The following HP variants were observed in gnomAD, a reference collection of about 807,000 sequenced individuals.
HP encodes the protein haptoglobin.
A neutral mutation model predicts 23.2 loss-of-function variants in HP; 9 were observed. The observed-to-expected ratio is 0.39, with a 90% CI of 0.23 to 0.68. HP has a LOEUF of 0.68. HP is among the 30% of genes least tolerant of loss of function. The pLI is 0.47. For synonymous variants in HP, 155 were observed against 183.3 expected, an observed-to-expected ratio of 0.85 and a Z score of 1.25; for missense variants, 433 against 483.6, an observed-to-expected ratio of 0.90 and a Z score of 0.98.
chr16:72,056,260 G>A lies in HP; in HGVS notation c.88+17G>A, dbSNP rs776640374. On this transcript the variant is annotated intron_variant, in intron 2 of 6. Coordinates refer to ENST00000355906, the MANE Select transcript of HP (RefSeq NM_005143.5). ...ATATCGCAGGTCAGTCTTTGGTTGG[G>A]TAGGAGTGTGCATCCCACTCTGACC... The A allele has an allele frequency of 6.2e-7, 1 of 1,611,526 alleles. No homozygotes were observed. Among genetic ancestry groups the A allele is most frequent in the South Asian group, 1.1e-5 (1 of 91,022 alleles).
At chr16:72,059,314 C>T in intron 6 of HP, 126 bp downstream of exon 6, 2 of 1,334,170 alleles carry the variant, frequency 1.5e-6, no homozygotes, top group Non-Finnish European at 2.1e-6. Context: ...AGAACCGCAG[C>T]TGGCCAGGGA....
chr16:72,056,140 C>T, intron 1 of HP, 21 bp from the exon 2 acceptor site: 1 of 1,610,860 alleles, frequency 6.2e-7, no homozygotes, highest in Non-Finnish European at 8.5e-7. Context: ...CTTTCCACTC[C>T]TCCTTGTCTT....
At chr16:72,054,990 T>C in intron 1 of HP, 2 of 512,504 alleles carry the variant, frequency 3.9e-6, no homozygotes, top group Non-Finnish European at 7.0e-6. Context: ...TTTAAAAATG[T>C]ACAATAAGGA....
In HP at chr16:72,058,271, C is replaced by T. The variant is rs1391498189; in HGVS notation, c.283C>T (p.Pro95Ser). Residue 95 changes from proline (P) to serine (S), a missense_variant, in exon 5 of 7, where the codon CCC becomes TCC. By Grantham distance (74) the Pro-to-Ser change is moderately conservative (BLOSUM62 -1). Coordinates refer to ENST00000355906, the MANE Select transcript of HP (RefSeq NM_005143.5). ...ECEADDGCPK[P>S]PEIAHGYVEH... Reference sequence around the variant, plus strand: ...CTTTGCAGATGACGGCTGCCCGAAGCCCCCCGAGATTGCACATGGCTATGT... The same window carrying T: ...CTTTGCAGATGACGGCTGCCCGAAGTCCCCCGAGATTGCACATGGCTATGT... The T allele has an allele frequency of 9.5e-6, 9 of 950,502 alleles. 1 individual carries two copies. Among genetic ancestry groups the T allele is most frequent in the East Asian group, 5.9e-5 (2 of 33,728 alleles). 58.9% of individuals were successfully genotyped at this position (950,502 alleles called of 1,614,324 possible).
At chr16:72,058,781 G>C (rs2041493417) in intron 5 of HP, 1 of 342,554 alleles carries the variant, frequency 2.9e-6, no homozygotes. Flanking sequence ...TTGCTGATAA[G>C]GAAACTGAGG....
rs1063465 is a variant in HP, at chr16:72,060,476, A to G, written c.807A>G (p.Ser269=). The G allele has an allele frequency of 6.2e-7, 1 of 1,614,052 alleles. No homozygotes were observed. The highest frequency in any genetic ancestry group is 1.3e-5 in the African/African-American group (1 of 74,916). Residue 269 remains serine, a synonymous_variant, in exon 7 of 7, where the codon TCA becomes TCG. Coordinates refer to ENST00000355906, the MANE Select transcript of HP (RefSeq NM_005143.5). The stretch of plus-strand genomic sequence containing the variant: ...GAGTGATGCCCATCTGCCTACCTTC[A>G]AAGGATTATGCAGAAGTAGGGCGTG... ...NERVMPICLP[S]KDYAEVGRVG...
chr16:72,054,756 G>A lies in HP; in HGVS notation c.5+99G>A, dbSNP rs2041432182. On this transcript the variant is annotated intron_variant, in intron 1 of 6. Coordinates refer to ENST00000355906, the MANE Select transcript of HP (RefSeq NM_005143.5). Reference sequence around the variant, plus strand: ...ATGCAGAAATAGAACAAAGAAACGGGCAAATGGGCTAAATTATAGTGAACC... The same window carrying A: ...ATGCAGAAATAGAACAAAGAAACGGACAAATGGGCTAAATTATAGTGAACC... 6 of 1,592,164 alleles carry A rather than the reference G, an allele frequency of 3.8e-6. No individual in the cohort carries two copies. The South Asian group carries it at 6.8e-5, about 18-fold the overall frequency.
chr16:72,059,851 C>T (rs1209756330), intron 6 of HP: 55 of 740,380 alleles, frequency 7.4e-5, no homozygotes, highest in Non-Finnish European at 1.1e-4. Context: ...AGTTCACCAG[C>T]CAGGGCTCAA....
Position 72,057,268 on chromosome 16 carries a change from T to G in HP, c.191-124T>G. The stretch of plus-strand genomic sequence containing the variant: ...CCTCCTTCTCATATTCTCTCTCCTT[T>G]CTCCCTTCCTGTCTGCCTCCTTTCT... On this transcript the variant is annotated intron_variant, in intron 3 of 6. Coordinates refer to ENST00000355906, the MANE Select transcript of HP (RefSeq NM_005143.5). 6.1e-6 allele frequency: 6 copies of G among 990,956 alleles called. 2 individuals carry two copies. In the East Asian group the frequency reaches 1.7e-4, roughly 29 times the overall value. The allele number at this position is 990,956 out of a possible 1,614,324, so 61.4% of individuals were successfully genotyped here.
At chr16:72,057,031 G>A in intron 3 of HP, 1 of 341,344 alleles carries the variant, frequency 2.9e-6, no homozygotes, top group South Asian at 2.3e-5. Context: ...TCTGAACAGA[G>A]TTTATTGTTT....
Position 72,060,510 on chromosome 16 carries a change from GT to G in HP, c.844del (p.Ser282LeufsTer15). 8 of 1,614,186 alleles carry G rather than the reference GT, an allele frequency of 5.0e-6. No homozygotes were observed. The highest frequency in any genetic ancestry group is 6.8e-6 in the Non-Finnish European group (8 of 1,180,042). ...DYAEVGRVGY[V>X]SGWGRNANFK... ...TGCAGAAGTAGGGCGTGTGGGTTATGTTTCTGGCTGGGGGCGAAATGCCAAT... is the reference window on the plus strand; with the variant it reads ...TGCAGAAGTAGGGCGTGTGGGTTATGTTCTGGCTGGGGGCGAAATGCCAAT... On this transcript the variant is annotated frameshift_variant, in exon 7 of 7. Transcript: ENST00000355906. LOFTEE classifies it high-confidence loss of function.
In HP at chr16:72,060,471, C is replaced by T. The variant is rs775494436; in HGVS notation, c.802C>T (p.Pro268Ser). 2 of 1,614,052 alleles carry T rather than the reference C, an allele frequency of 1.2e-6. No homozygotes were observed. Among genetic ancestry groups the T allele is most frequent in the Non-Finnish European group, 1.7e-6 (2 of 1,180,050 alleles). ...TGAGAGAGTGATGCCCATCTGCCTA[C>T]CTTCAAAGGATTATGCAGAAGTAGG... ...VNERVMPICL[P>S]SKDYAEVGRV... The change falls in exon 7 of 7, where the codon CCT becomes TCT. Residue 268 changes from proline (P) to serine (S), a missense_variant. Pro to Ser is a moderately conservative substitution (Grantham distance 74). Around this residue, in one of 3 missense-constraint regions of HP, gnomAD observed 326 missense variants for 358.1 expected, o/e 0.91. Coordinates refer to ENST00000355906, the MANE Select transcript of HP (RefSeq NM_005143.5).
In HP at chr16:72,060,397, C is replaced by A. The variant is rs761939978; in HGVS notation, c.728C>A (p.Ser243Tyr). 91 of 1,614,018 alleles carry A rather than the reference C, an allele frequency of 5.6e-5. No individual in the cohort carries two copies. Among genetic ancestry groups the A allele is most frequent in the Non-Finnish European group, 6.9e-5 (81 of 1,180,038 alleles). The change falls in exon 7 of 7, where the codon TCC (serine) becomes TAC (tyrosine). Residue 243 changes from serine to tyrosine, a missense_variant. By Grantham distance (144) the Ser-to-Tyr change is moderately radical. This residue lies in a region of HP where 326 missense variants were observed against 358.1 expected (regional missense o/e 0.91). Coordinates refer to ENST00000355906, the MANE Select transcript of HP (RefSeq NM_005143.5). ...IEKVVLHPNY[S>Y]QVDIGLIKLK... ...AAGGTTGTTCTACACCCTAACTACT[C>A]CCAGGTAGATATTGGGCTCATCAAA... is the stretch of plus-strand genomic sequence containing the variant.
chr16:72,059,670 C>T (rs2041509409), intron 6 of HP: 1 of 270,920 alleles, frequency 3.7e-6, no homozygotes, highest in Non-Finnish European at 7.0e-6. Flanking sequence ...TGTGGAAATG[C>T]CAACCTGCCT....
At position 72,060,492 on chromosome 16, in the gene HP, G is replaced by A. The variant is rs1230357088; in HGVS notation, c.823G>A (p.Val275Ile). ...CCTACCTTCAAAGGATTATGCAGAA[G>A]TAGGGCGTGTGGGTTATGTTTCTGG... The part of the protein sequence containing the change: ...ICLPSKDYAE[V>I]GRVGYVSGWG... Residue 275 changes from valine to isoleucine, a missense_variant, in exon 7 of 7, where the codon GTA (valine) becomes ATA (isoleucine). Val to Ile is a conservative substitution (Grantham distance 29). Coordinates refer to ENST00000355906, the MANE Select transcript of HP (RefSeq NM_005143.5). 3.1e-6 allele frequency: 5 copies of A among 1,614,072 alleles called. No homozygotes were observed. The highest frequency in any genetic ancestry group is 4.2e-6 in the Non-Finnish European group (5 of 1,180,056).
At chr16:72,056,085 A>ATG in intron 1 of HP, 76 bp from the exon 2 acceptor site, 5 of 1,526,932 alleles carry the variant, frequency 3.3e-6, no homozygotes, top group Non-Finnish European at 4.5e-6. Context: ...GTGTACATGC[A>ATG]TGTGTGTGTG....
At position 72,060,977 on chromosome 16, in the gene HP, C is replaced by T. The variant is rs1318759815; in HGVS notation, c.*87C>T. On this transcript the variant is annotated 3_prime_UTR_variant, in exon 7 of 7. Coordinates refer to ENST00000355906, the MANE Select transcript of HP (RefSeq NM_005143.5). ...GGACGGGAGTGGACAGGAGTGGATG[C>T]GATAAGATGTGGTTTGAAGCTGATG... is the stretch of plus-strand genomic sequence containing the variant. 20 of 1,464,150 alleles carry T rather than the reference C, an allele frequency of 1.4e-5. No homozygotes were observed. Among genetic ancestry groups the T allele is most frequent in the Admixed American group, 2.3e-5 (1 of 43,014 alleles). The allele number at this position is 1,464,150 out of a possible 1,614,324, so 90.7% of individuals were successfully genotyped here. A position where few individuals can be genotyped will look rare whatever the true frequency, so the allele number is the denominator to read the frequency against.
At position 72,060,277 on chromosome 16, in the gene HP, A is replaced by G. The variant is rs1340565231; in HGVS notation, c.608A>G (p.Asn203Ser). The G allele has an allele frequency of 1.2e-6, 2 of 1,614,004 alleles. No individual in the cohort carries two copies. ...NEQWLLTTAK[N>S]LFLNHSENAT... ...CAATGGCTGCTGACCACGGCTAAAA[A>G]TCTCTTCCTGAACCATTCAGAAAAT... Residue 203 changes from asparagine to serine, a missense_variant, in exon 7 of 7, where the codon AAT becomes AGT. Transcript: ENST00000355906.
intron 2 of HP, 50 bp downstream of exon 2, chr16:72,056,293 G>C: frequency 6.3e-7 from 1 of 1,587,078 alleles, no homozygotes; most frequent in Non-Finnish European, 8.7e-7. Flanking sequence ...ACCCTCTCGG[G>C]TCTGCACTCT....
Sources: allele counts gnomAD v4.1 joint callset, GRCh38; gene constraint gnomAD v4.1.1; regional missense constraint gnomAD v4.1.1; transcripts MANE v1.5; gene names NCBI Gene and HGNC (gene_info 2026-07-23, HGNC 2026-07-21).